RADIL: variants seen among roughly 807,000 people sequenced by gnomAD.
RADIL encodes Rap associating with DIL domain, also known as ras-associating and dilute domain-containing protein.
A neutral mutation model predicts 97.6 loss-of-function variants in RADIL; 99 were observed. That is an observed-to-expected ratio of 1.01 (90% CI 0.86 to 1.20). The LOEUF (loss-of-function observed/expected upper bound fraction) is 1.20. Ranked by LOEUF, RADIL falls within the 50% of genes most tolerant of loss-of-function variation. RADIL has a pLI of 0.00. For synonymous variants in RADIL, 803 were observed against 691.8 expected (o/e 1.16, Z -2.52); for missense variants, 1,765 against 1,498.9 (o/e 1.18, Z -2.93).
At chr7:4,862,671 C>A (rs1052263627) in intron 2 of RADIL, among the ~76,000 whole-genome samples, 1 of 152,104 alleles carries the variant, frequency 6.6e-6, no homozygotes, top group South Asian at 2.1e-4. Context: ...GAGGCCGAGG[C>A]GGGCAGATCA....
intron 12 of RADIL, among the ~76,000 whole-genome samples, chr7:4,801,036 A>G (rs1782066343): frequency 6.6e-6 from 1 of 152,150 alleles, no homozygotes; most frequent in African/African-American, 2.4e-5. Flanking sequence ...GCACACATAT[A>G]CTCACAGCCA....
chr7:4,879,249 T>C lies in RADIL; in HGVS notation c.-64-1046A>G, dbSNP rs1173024275. 6.6e-6 allele frequency among the ~76,000 whole-genome samples: 1 copy of C among 152,218 alleles called. No homozygotes were observed. Among genetic ancestry groups the C allele is most frequent in the African/African-American group, 2.4e-5 (1 of 41,470 alleles). The stretch of plus-strand genomic sequence containing the variant: ...CAGCCTGGGACGCGTTGGCGTGTCA[T>C]ACAATCACACTTCTAATGTCCGTAG... On this transcript the variant is annotated intron_variant, in intron 1 of 14. Coordinates refer to ENST00000399583, the MANE Select transcript of RADIL (RefSeq NM_018059.5). This position sits in a 1 kb window ranked among gnomAD's most constrained non-coding sequence, Gnocchi z 4.1.
chr7:4,799,728 C>A lies in RADIL; in HGVS notation c.3024G>T (p.Leu1008=). The A allele has an allele frequency of 1.3e-6, 2 of 1,562,610 alleles. No individual in the cohort carries two copies. Among genetic ancestry groups the A allele is most frequent in the Middle Eastern group, 1.7e-4 (1 of 5,886 alleles). Residue 1008 remains leucine (L), a synonymous_variant, in exon 14 of 15, where the codon CTG becomes CTT. Transcript: ENST00000399583. ...LGAPGLYIQT[L]LPGSPAAADG... is the part of the protein sequence containing the mutation. ...CGGCCGCTGCGGGGCTGCCCGGGAG[C>A]AGGGTCTGGATGTAGAGCCCGGGGG... is the stretch of plus-strand genomic sequence containing the variant.
intron 5 of RADIL, among the ~76,000 whole-genome samples, chr7:4,823,674 G>A (rs1351699367): frequency 6.6e-6 from 1 of 152,150 alleles, no homozygotes; most frequent in Non-Finnish European, 1.5e-5. Flanking sequence ...AGCCTCCACC[G>A]TCAGGCTGGC....
chr7:4,860,727 G>C lies in RADIL; in HGVS notation c.535+16878C>G, dbSNP rs764807553. The stretch of plus-strand genomic sequence containing the variant: ...TGAAAGAAGCTTGGAGCTTCAAAGA[G>C]TTTGGACCACTCTGCCTTACTTAGC... On this transcript the variant is annotated intron_variant, in intron 2 of 14. Coordinates refer to ENST00000399583, the MANE Select transcript of RADIL (RefSeq NM_018059.5). 6 of 1,614,134 alleles carry C rather than the reference G, an allele frequency of 3.7e-6. No individual in the cohort carries two copies. In the East Asian group the frequency reaches 8.9e-5, roughly 24 times the overall value.
In RADIL at chr7:4,821,681, C is replaced by T. The variant is rs139022635; in HGVS notation, c.1615+713G>A. ...GACCAGCCTGGCAAACATGGTGAAA[C>T]CCCATCTCTACCAAAAATACAAAAA... On this transcript the variant is annotated intron_variant, in intron 6 of 14. Transcript: ENST00000399583. The surrounding 1 kb of genome is among the most constrained non-coding windows in gnomAD (Gnocchi z 5.2). Among the ~76,000 whole-genome samples, 1,329 of 152,028 alleles carry T rather than the reference C, an allele frequency of 8.7e-3. 23 individuals carry two copies. Among genetic ancestry groups the T allele is most frequent in the African/African-American group, 0.031 (1,266 of 41,448 alleles).
Position 4,814,974 on chromosome 7 carries a change from G to A in RADIL, c.2139+304C>T, listed in dbSNP as rs1782640214. Among the ~76,000 whole-genome samples, 1 of 152,144 alleles carries A rather than the reference G, an allele frequency of 6.6e-6. No homozygotes were observed. Among genetic ancestry groups the A allele is most frequent in the African/African-American group, 2.4e-5 (1 of 41,426 alleles). ...TGGACTGGGCCACCCGGATACCCAG[G>A]TCATCTCCGAATCTCAAGGTCCTTA... On this transcript the variant is annotated intron_variant, in intron 9 of 14. Transcript: ENST00000399583. This position sits in a 1 kb window ranked among gnomAD's most constrained non-coding sequence, Gnocchi z 4.5.
chr7:4,809,692 A>G (rs1342509572), intron 9 of RADIL: 2 of 927,180 alleles, frequency 2.2e-6, no homozygotes, highest in African/African-American at 3.6e-5. Context: ...TATTTAATTG[A>G]TTTATTTAGA....
rs563689579 is a variant in RADIL at position 4,854,185 on chromosome 7, C to T, written c.536-17580G>A. 2.0e-5 allele frequency among the ~76,000 whole-genome samples: 3 copies of T among 152,088 alleles called. No individual in the cohort carries two copies. The East Asian group carries it at 5.8e-4, about 29-fold the overall frequency. On this transcript the variant is annotated intron_variant, in intron 2 of 14. Transcript: ENST00000399583. This position sits in a 1 kb window ranked among gnomAD's most constrained non-coding sequence, Gnocchi z 5.1. ...AAGGCATGAACTAGAATGATGGGGC[C>T]GAAAGTAGAAAAAGCCTGGTCCCTG...
rs759708188 is a variant in RADIL at position 4,872,620 on chromosome 7, C to A, written c.535+4985G>T. Reference sequence around the variant, plus strand: ...AGGGGAGTGAGAGCCACTTCCAGCCCGGCCATACCTCCAGCACCAGCCTCC... The same window carrying A: ...AGGGGAGTGAGAGCCACTTCCAGCCAGGCCATACCTCCAGCACCAGCCTCC... On this transcript the variant is annotated intron_variant, in intron 2 of 14. Coordinates refer to ENST00000399583, the MANE Select transcript of RADIL (RefSeq NM_018059.5). The surrounding 1 kb of genome is among the most constrained non-coding windows in gnomAD (Gnocchi z 5.8). Among the ~76,000 whole-genome samples, 1 of 152,138 alleles carries A rather than the reference C, an allele frequency of 6.6e-6. No individual in the cohort carries two copies. Among genetic ancestry groups the A allele is most frequent in the Non-Finnish European group, 1.5e-5 (1 of 68,016 alleles).
Position 4,854,692 on chromosome 7 carries a change from T to A in RADIL, c.536-18087A>T, listed in dbSNP as rs897364275. ...CTGGGCGACAGAGCGAGACTCCGTA[T>A]CAAAACAAACAAACAAACAAAAACA... On this transcript the variant is annotated intron_variant, in intron 2 of 14. Transcript: ENST00000399583. This position sits in a 1 kb window ranked among gnomAD's most constrained non-coding sequence, Gnocchi z 5.1. 2.0e-5 allele frequency among the ~76,000 whole-genome samples: 3 copies of A among 152,182 alleles called. No homozygotes were observed. The highest frequency in any genetic ancestry group is 7.2e-5 in the African/African-American group (3 of 41,434).
In RADIL at chr7:4,819,911, G is replaced by A. The variant is rs977445703; in HGVS notation, c.1615+2483C>T. 6.6e-6 allele frequency among the ~76,000 whole-genome samples: 1 copy of A among 152,216 alleles called. No homozygotes were observed. The highest frequency in any genetic ancestry group is 2.4e-5 in the African/African-American group (1 of 41,456). On this transcript the variant is annotated intron_variant, in intron 6 of 14. Coordinates refer to ENST00000399583, the MANE Select transcript of RADIL (RefSeq NM_018059.5). This position sits in a 1 kb window ranked among gnomAD's most constrained non-coding sequence, Gnocchi z 5.8. The stretch of plus-strand genomic sequence containing the variant: ...AAAATAACTTCCTCCCAAGACCAAA[G>A]GCAGCAGCTCCAACAGCCCAGAGCA...
At position 4,799,458 on chromosome 7, in the gene RADIL, C is replaced by T. The variant is rs373495982; in HGVS notation, c.3148G>A (p.Gly1050Arg). 3.5e-5 allele frequency: 56 copies of T among 1,613,980 alleles called. No individual in the cohort carries two copies. Among genetic ancestry groups the T allele is most frequent in the Admixed American group, 1.8e-4 (11 of 60,024 alleles). The change falls in exon 15 of 15, where the codon GGG becomes AGG. Residue 1050 changes from glycine (G) to arginine (R), a missense_variant. By Grantham distance (125) the Gly-to-Arg change is moderately radical. Coordinates refer to ENST00000399583, the MANE Select transcript of RADIL (RefSeq NM_018059.5). ...GCGACCAGGAACCGCATCTTCTTCC[C>T]GCCATGACGGATCAGGTCCACAGCT... ...LRAVDLIRHG[G>R]KKMRFLVAKS...
At chr7:4,860,231 G>A in intron 2 of RADIL, 4 of 1,614,006 alleles carry the variant, frequency 2.5e-6, no homozygotes, top group Non-Finnish European at 2.5e-6. Flanking sequence ...ACAGCCTGCA[G>A]ACAAGTCAAA....
intron 11 of RADIL, among the ~76,000 whole-genome samples, chr7:4,802,969 C>T (rs1482044554): frequency 2.9e-3 from 263 of 92,158 alleles, no homozygotes; most frequent in Non-Finnish European, 3.8e-3. Flanking sequence ...TGGGGGGCCC[C>T]CTCCCCGGGT....
intron 10 of RADIL, 42 bp from the exon 11 acceptor site, chr7:4,803,796 C>T (rs975246439): frequency 1.3e-6 from 2 of 1,516,228 alleles, no homozygotes; most frequent in Non-Finnish European, 1.8e-6. Context: ...ACAGGAGAAG[C>T]TGCCTCCCTC....
At chr7:4,843,987 C>G (rs563093363) in intron 2 of RADIL, among the ~76,000 whole-genome samples, 2 of 150,798 alleles carry the variant, frequency 1.3e-5, no homozygotes, top group East Asian at 3.9e-4. Flanking sequence ...TTTTGGGAAC[C>G]AATTCTGCCA....
At chr7:4,874,724 G>A (rs968802173) in intron 2 of RADIL, among the ~76,000 whole-genome samples, 2 of 152,190 alleles carry the variant, frequency 1.3e-5, no homozygotes, top group Admixed American at 6.5e-5. Flanking sequence ...GGGTGCTTTC[G>A]CTCGCCCTGA....
chr7:4,857,354 A>G (rs1353437398), intron 2 of RADIL, among the ~76,000 whole-genome samples: 4 of 152,176 alleles, frequency 2.6e-5, no homozygotes, highest in Non-Finnish European at 4.4e-5. Context: ...GTAAAACAGC[A>G]TACAGTTGGA....
Sources: allele counts gnomAD v4.1 joint callset (sites outside exome capture counted in the v4.1 genomes callset), GRCh38; gene constraint gnomAD v4.1.1; non-coding constraint Gnocchi (gnomAD v3.1); transcripts MANE v1.5; gene names NCBI Gene and HGNC (gene_info 2026-07-23, HGNC 2026-07-21).